OPA3: variants seen among roughly 807,000 people sequenced by gnomAD.
OPA3 encodes outer mitochondrial membrane lipid metabolism regulator OPA3, also known as optic atrophy 3 protein.
In OPA3, 6 loss-of-function variants were observed where a neutral mutation model predicts 4.0. The ratio of observed to expected loss-of-function variants is 1.51; its 90% CI spans 0.83 to 2.99. The LOEUF (loss-of-function observed/expected upper bound fraction) is 2.99, where lower values mean the gene tolerates loss of function less well. Among genes scored for constraint, OPA3 ranks in the 30% most tolerant of loss-of-function variants. The pLI, the probability that OPA3 is intolerant of heterozygous loss-of-function variation, is 0.00. For synonymous variants in OPA3, 105 were observed against 117.1 expected, an observed-to-expected ratio of 0.90 and a Z score of 0.67; for missense variants, 235 against 256.2, an observed-to-expected ratio of 0.92 and a Z score of 0.56.
intron 1 of OPA3, among the ~76,000 whole-genome samples, chr19:45,575,632 G>A (rs886883482): frequency 6.6e-6 from 1 of 151,926 alleles, no homozygotes; most frequent in Non-Finnish European, 1.5e-5. Context: ...TTTGAGACAG[G>A]GTCTTGCTCT....
At chr19:45,541,702 C>G (rs1366165580), downstream of OPA3, among the ~76,000 whole-genome samples, 6 of 151,992 alleles carry the variant, frequency 3.9e-5, no homozygotes, top group African/African-American at 1.4e-4. Flanking sequence ...GTAGCTGGGA[C>G]TATAGGCACA....
intron 1 of OPA3, among the ~76,000 whole-genome samples, chr19:45,579,602 C>T (rs1969817000): frequency 1.3e-5 from 2 of 152,128 alleles, no homozygotes; most frequent in African/African-American, 4.8e-5. Flanking sequence ...TTTTTCCTGC[C>T]TGTTGTATCT....
Position 45,553,447 on chromosome 19 carries a change from G to A in OPA3, c.*67C>T. 6.2e-7 allele frequency: 1 copy of A among 1,604,838 alleles called. No homozygotes were observed. Among genetic ancestry groups the A allele is most frequent in the East Asian group, 2.2e-5 (1 of 44,860 alleles). Reference sequence around the variant, plus strand: ...CCACTGGGCCAGCGCAGGCAAGGGTGGTGCGGGAAGAAGGCCACGTTAGGT... The same window carrying A: ...CCACTGGGCCAGCGCAGGCAAGGGTAGTGCGGGAAGAAGGCCACGTTAGGT... On this transcript the variant is annotated 3_prime_UTR_variant, in exon 2 of 2. Coordinates refer to ENST00000263275, the MANE Select transcript of OPA3 (RefSeq NM_025136.4).
chr19:45,564,820 A>G (rs189430317), intron 1 of OPA3, among the ~76,000 whole-genome samples: 2 of 152,336 alleles, frequency 1.3e-5, no homozygotes, highest in African/African-American at 2.4e-5. Context: ...CTTTCTCTAT[A>G]AAGTTTTATC....
intron 1 of OPA3, chr19:45,584,307 T>C (rs1465219401): frequency 1.0e-6 from 1 of 983,112 alleles, no homozygotes; most frequent in Admixed American, 6.2e-5. Flanking sequence ...TCCTCTATCC[T>C]GGAAAGCCCC....
At chr19:45,532,841 A>G (rs1969073857) in intron 1 of OPA3, among the ~76,000 whole-genome samples, 1 of 152,008 alleles carries the variant, frequency 6.6e-6, no homozygotes, top group African/African-American at 2.4e-5. Context: ...AGCCTCGTAA[A>G]GTGCTGATTG....
intron 1 of OPA3, among the ~76,000 whole-genome samples, chr19:45,567,356 A>AG (rs1414848593): frequency 2.1e-4 from 32 of 151,534 alleles, no homozygotes; most frequent in African/African-American, 7.0e-4. Flanking sequence ...AAAAAAAAAA[A>AG]AAGAAGAAGA....
chr19:45,569,491 A>G (rs994557182), intron 1 of OPA3, among the ~76,000 whole-genome samples: 9 of 152,244 alleles, frequency 5.9e-5, no homozygotes, highest in African/African-American at 2.2e-4. Context: ...GAACAACTTC[A>G]GTGCGTCTGA....
At chr19:45,565,611 C>CA (rs1244392609) in intron 1 of OPA3, among the ~76,000 whole-genome samples, 1 of 152,140 alleles carries the variant, frequency 6.6e-6, no homozygotes, top group Non-Finnish European at 1.5e-5. Flanking sequence ...ACCCGGGCGA[C>CA]AGAGTGAGAC....
At chr19:45,541,634 G>A (rs1969186804), downstream of OPA3, among the ~76,000 whole-genome samples, 1 of 152,100 alleles carries the variant, frequency 6.6e-6, no homozygotes, top group South Asian at 2.1e-4. Flanking sequence ...GTGCAATGAT[G>A]GCTCATTGCA....
intron 1 of OPA3, among the ~76,000 whole-genome samples, chr19:45,535,218 T>C (rs1444670160): frequency 1.3e-5 from 2 of 152,236 alleles, no homozygotes; most frequent in South Asian, 2.1e-4. Flanking sequence ...ATCTTGCATG[T>C]AAATTCAGTT....
chr19:45,549,409 G>C lies in OPA3; in HGVS notation c.*4105C>G. On this transcript the variant is annotated 3_prime_UTR_variant, in exon 2 of 2. Transcript: ENST00000263275. ...TGAGTGCGAAGTCTCTGAGATGTGA[G>C]AGCAGCACTCCATCTGGGTCAGGAC... 1.0e-6 allele frequency: 1 copy of C among 985,322 alleles called. No individual in the cohort carries two copies. The highest frequency in any genetic ancestry group is 1.7e-5 in the African/African-American group (1 of 57,342). The allele number at this position is 985,322 out of a possible 1,614,324, so 61.0% of individuals were successfully genotyped here. A position where few individuals can be genotyped will look rare whatever the true frequency, so the allele number is the denominator to read the frequency against.
intron 1 of OPA3, among the ~76,000 whole-genome samples, chr19:45,563,915 C>A (rs1416120105): frequency 1.3e-5 from 2 of 151,446 alleles, no homozygotes; most frequent in East Asian, 3.9e-4. Flanking sequence ...GTCTTGAACT[C>A]CTGAGCTCAA....
downstream of OPA3, among the ~76,000 whole-genome samples, chr19:45,542,694 G>A (rs1256725718): frequency 2.3e-5 from 3 of 130,374 alleles, no homozygotes; most frequent in Admixed American, 8.8e-5. Context: ...TTTTTGAGAC[G>A]GAGTCTCGCT....
intron 1 of OPA3, among the ~76,000 whole-genome samples, chr19:45,576,406 C>G (rs1042341818): frequency 2.0e-5 from 3 of 151,918 alleles, no homozygotes; most frequent in African/African-American, 7.3e-5. Context: ...GTGGTGGGTG[C>G]CAGGTGTGGT....
chr19:45,566,637 AT>A (rs58214401), intron 1 of OPA3, among the ~76,000 whole-genome samples: 5 of 145,630 alleles, frequency 3.4e-5, no homozygotes, highest in African/African-American at 2.5e-5. Context: ...TGCCCAGCTA[AT>A]TTTTTTTTTG....
intron 1 of OPA3, chr19:45,584,252 C>A: frequency 1.3e-6 from 1 of 796,590 alleles, no homozygotes; most frequent in South Asian, 5.7e-5. Context: ...CAAGGACAGC[C>A]GGGCAAAGGA....
chr19:45,542,409 T>C (rs573338776), downstream of OPA3, among the ~76,000 whole-genome samples: 2 of 152,168 alleles, frequency 1.3e-5, no homozygotes, highest in Admixed American at 1.3e-4. Context: ...CGAACCTAGA[T>C]AGTGTGGCCT....
chr19:45,577,208 A>G (rs948318882), intron 1 of OPA3, among the ~76,000 whole-genome samples: 2 of 152,240 alleles, frequency 1.3e-5, no homozygotes, highest in Non-Finnish European at 2.9e-5. Flanking sequence ...TGCTTCTAGC[A>G]TGTACTGTTC....
Sources: allele counts gnomAD v4.1 joint callset (sites outside exome capture counted in the v4.1 genomes callset), GRCh38; gene constraint gnomAD v4.1.1; transcripts MANE v1.5; gene names NCBI Gene and HGNC (gene_info 2026-07-23, HGNC 2026-07-21).